NOTCH2: variants seen among roughly 807,000 people sequenced by gnomAD.
NOTCH2 encodes neurogenic locus notch homolog protein 2.
A neutral mutation model predicts 235.8 loss-of-function variants in NOTCH2; 29 were observed. The observed-to-expected ratio is 0.12, with a 90% CI of 0.09 to 0.17. The LOEUF (loss-of-function observed/expected upper bound fraction) is 0.17, where lower values mean the gene tolerates loss of function less well. NOTCH2 is among the 10% of genes least tolerant of loss of function. The pLI is 1.00. For missense variants in NOTCH2, 2,285 were observed against 3,150.2 expected (o/e 0.73, Z 6.57); for synonymous variants, 1,086 against 1,141.5 (o/e 0.95, Z 0.98).
chr1:120,060,518 G>C (rs1380755080), intron 1 of NOTCH2, among the ~76,000 whole-genome samples: 1 of 150,606 alleles, frequency 6.6e-6, no homozygotes, highest in Non-Finnish European at 1.5e-5. Flanking sequence ...AAAAACCAAA[G>C]ACGTATACCA....
intron 1 of NOTCH2, among the ~76,000 whole-genome samples, chr1:120,057,051 C>G (rs1553215385): frequency 8.5e-6 from 1 of 117,886 alleles, no homozygotes; most frequent in Non-Finnish European, 1.5e-5. Flanking sequence ...AACCAGTGAA[C>G]AATCCACAGG....
Position 119,926,492 on chromosome 1 carries a change from C to A in NOTCH2, c.4005+7G>T. The A allele has an allele frequency of 6.3e-7, 1 of 1,587,452 alleles. No homozygotes were observed. Among genetic ancestry groups the A allele is most frequent in the Non-Finnish European group, 8.6e-7 (1 of 1,161,526 alleles). On this transcript the variant is annotated splice_region_variant and intron_variant, in intron 24 of 33. Transcript: ENST00000256646. ...GCCCCTTCTTAGATGAGCAACAGGGCACTTACCGGGGGACAACGGCAAATG... is the reference window on the plus strand; with the variant it reads ...GCCCCTTCTTAGATGAGCAACAGGGAACTTACCGGGGGACAACGGCAAATG...
rs371451206 is a variant in NOTCH2 at position 119,964,424 on chromosome 1, C to G, written c.1682-617G>C. ...TAAAAGACTCCAGGAGTCCTCCCCC[C>G]ACTTTTAAACCTGAGCTAAAGGTTT... On this transcript the variant is annotated intron_variant, in intron 10 of 33. Transcript: ENST00000256646. Among the ~76,000 whole-genome samples, 91 of 152,264 alleles carry G rather than the reference C, an allele frequency of 6.0e-4. 2 individuals are homozygous for G. The highest frequency in any genetic ancestry group is 2.1e-3 in the African/African-American group (86 of 41,552).
In NOTCH2 at chr1:119,913,022, T is replaced by C. The variant is rs1648940940; in HGVS notation, c.*2284A>G. 4.3e-6 allele frequency: 1 copy of C among 233,576 alleles called. No individual in the cohort carries two copies. 14.5% of individuals were successfully genotyped at this position (233,576 alleles called of 1,614,324 possible). On this transcript the variant is annotated 3_prime_UTR_variant, in exon 34 of 34. Transcript: ENST00000256646. ...CAGTGGCTGGATCAGTAGCTGATAC[T>C]TTCAGAAGTGGGGCTGGAGCAGGAG...
At position 119,916,044 on chromosome 1, in the gene NOTCH2, G is replaced by A. The variant is rs747234763; in HGVS notation, c.6678C>T (p.Ser2226=). 10 of 1,613,824 alleles carry A rather than the reference G, an allele frequency of 6.2e-6. No individual in the cohort carries two copies. The South Asian group carries it at 7.7e-5, about 12-fold the overall frequency. ...TGCCTGGAGACACAATGTGGTGGTG[G>A]GATAGCAACTGGCTCACTGAGGGAA... ...TVLPSVSQLL[S]HHHIVSPGSG... Residue 2226 remains serine, a synonymous_variant, in exon 34 of 34, where the codon TCC becomes TCT. Transcript: ENST00000256646.
rs1649034967 is a variant in NOTCH2, at chr1:119,915,554, G to A, written c.7168C>T (p.His2390Tyr). 6 of 1,614,070 alleles carry A rather than the reference G, an allele frequency of 3.7e-6. No homozygotes were observed. Among genetic ancestry groups the A allele is most frequent in the Non-Finnish European group, 4.2e-6 (5 of 1,180,034 alleles). The change falls in exon 34 of 34, where the codon CAC becomes TAC. Residue 2390 changes from histidine (H) to tyrosine (Y), a missense_variant. This residue lies in a region of NOTCH2 where 504 missense variants were observed against 538.0 expected (regional missense o/e 0.94). Transcript: ENST00000256646. The part of the protein sequence containing the change: ...VGKYPTPPSQ[H>Y]SYASSNAAER... ...GCAGCATTTGAGGAAGCATAACTGT[G>A]CTGTGAAGGGGGTGTGGGGTACTTG...
chr1:119,939,374 A>G (rs1431881200), intron 19 of NOTCH2, among the ~76,000 whole-genome samples: 3 of 152,242 alleles, frequency 2.0e-5, no homozygotes, highest in Admixed American at 2.0e-4. Flanking sequence ...TGATTTGCCT[A>G]CATGTATAGC....
intron 5 of NOTCH2, among the ~76,000 whole-genome samples, chr1:119,972,069 G>A (rs782465748): frequency 4.6e-5 from 7 of 151,236 alleles, no homozygotes; most frequent in South Asian, 2.1e-4. Context: ...GTGAGTGAGC[G>A]AGGGAGGGAA....
At chr1:119,984,274 C>A (rs74115511) in intron 5 of NOTCH2, among the ~76,000 whole-genome samples, 5,704 of 152,154 alleles carry the variant, frequency 0.037, 352 homozygotes, top group African/African-American at 0.13. Context: ...TTTACAAAAT[C>A]AATTTTATAT....
At chr1:120,001,144 C>A (rs1652734060) in intron 3 of NOTCH2, among the ~76,000 whole-genome samples, 1 of 152,062 alleles carries the variant, frequency 6.6e-6, no homozygotes. Flanking sequence ...CGGAGGCCTC[C>A]CCAGCCATAT....
At chr1:119,958,533 C>T (rs1283325135) in intron 12 of NOTCH2, among the ~76,000 whole-genome samples, 1 of 152,168 alleles carries the variant, frequency 6.6e-6, no homozygotes, top group African/African-American at 2.4e-5. Context: ...ATGTTAGTGG[C>T]TGCTTCTGTG....
intron 2 of NOTCH2, among the ~76,000 whole-genome samples, chr1:120,025,253 AAAC>A (rs1653796938): frequency 6.7e-6 from 1 of 150,270 alleles, no homozygotes; most frequent in Non-Finnish European, 1.5e-5. Flanking sequence ...TAAGATTCAG[AAAC>A]CCAAGAGAAA....
chr1:119,921,587 G>C lies in NOTCH2; in HGVS notation c.5310+126C>G, dbSNP rs1649285900. ...TTTAGGAGAACCTAGGATAGTTATT[G>C]TCTGGGTAAGACATCAAGACTATCA... On this transcript the variant is annotated intron_variant, in intron 29 of 33. Coordinates refer to ENST00000256646, the MANE Select transcript of NOTCH2 (RefSeq NM_024408.4). The C allele has an allele frequency of 3.7e-6, 3 of 815,902 alleles. No individual in the cohort carries two copies. The South Asian group carries it at 4.2e-5, about 11-fold the overall frequency. 50.5% of individuals were successfully genotyped at this position (815,902 alleles called of 1,614,324 possible).
chr1:119,963,201 A>AGGAAGGAAGGAT (rs1553199240), intron 11 of NOTCH2, among the ~76,000 whole-genome samples: 1 of 151,784 alleles, frequency 6.6e-6, no homozygotes, highest in Non-Finnish European at 1.5e-5. Context: ...GAAGGAAGGA[A>AGGAAGGAAGGAT]GGAAGGAAGG....
intron 2 of NOTCH2, among the ~76,000 whole-genome samples, chr1:120,006,760 C>A (rs1302400715): frequency 2.0e-5 from 3 of 152,042 alleles, no homozygotes; most frequent in Non-Finnish European, 2.9e-5. Context: ...CTCTCAAAAA[C>A]CAGCTCTTCT....
At chr1:119,916,970 A>T (rs1406825545) in intron 33 of NOTCH2, among the ~76,000 whole-genome samples, 5 of 152,144 alleles carry the variant, frequency 3.3e-5, no homozygotes, top group Non-Finnish European at 7.3e-5. Context: ...TCATAAAATA[A>T]AGCATGCCCC....
chr1:119,985,695 A>T (rs1261689191), intron 5 of NOTCH2, among the ~76,000 whole-genome samples: 3 of 152,104 alleles, frequency 2.0e-5, no homozygotes, highest in African/African-American at 4.8e-5. Flanking sequence ...AAAAACACAA[A>T]TTTTTCCAGT....
intron 5 of NOTCH2, among the ~76,000 whole-genome samples, chr1:119,979,048 A>G (rs1362422733): frequency 1.3e-5 from 2 of 152,234 alleles, no homozygotes; most frequent in Non-Finnish European, 2.9e-5. Context: ...CAAGACATTT[A>G]GACATGTTTA....
At chr1:119,951,267 C>G (rs147507073) in intron 14 of NOTCH2, among the ~76,000 whole-genome samples, 2,007 of 152,286 alleles carry the variant, frequency 0.013, 39 homozygotes, top group African/African-American at 0.047. Flanking sequence ...CCTCCCACCT[C>G]AGCCTCCTGA....
Sources: allele counts gnomAD v4.1 joint callset (sites outside exome capture counted in the v4.1 genomes callset), GRCh38; gene constraint gnomAD v4.1.1; regional missense constraint gnomAD v4.1.1; transcripts MANE v1.5; gene names NCBI Gene and HGNC (gene_info 2026-07-23, HGNC 2026-07-21).